The following CGNL1 variants were observed in gnomAD, a reference collection of about 807,000 sequenced individuals.
CGNL1 encodes the protein cingulin-like protein 1.
A neutral mutation model predicts 141.2 loss-of-function variants in CGNL1; 132 were observed. That is an observed-to-expected ratio of 0.93 (90% confidence interval 0.81 to 1.08). CGNL1 has a LOEUF of 1.08. Ranked by LOEUF, CGNL1 falls within the 50% of genes least tolerant of loss-of-function variation. CGNL1 has a pLI of 0.00. For synonymous variants in CGNL1, 690 were observed against 622.1 expected (o/e 1.11, Z -1.63); for missense variants, 1,870 against 1,588.6 (o/e 1.18, Z -3.01).
chr15:57,466,692 G>C (rs1450800769), intron 8 of CGNL1, among the ~76,000 whole-genome samples: 3 of 152,122 alleles, frequency 2.0e-5, no homozygotes, highest in Non-Finnish European at 4.4e-5. Context: ...GACAAAAAGG[G>C]AGATGTCTTT....
intron 1 of CGNL1, among the ~76,000 whole-genome samples, chr15:57,414,038 A>G (rs1429411715): frequency 1.3e-5 from 2 of 152,236 alleles, no homozygotes; most frequent in East Asian, 3.8e-4. Context: ...TGAAGGCACT[A>G]TGTGAAGAGA....
chr15:57,427,462 A>T (rs1189824151), intron 1 of CGNL1, among the ~76,000 whole-genome samples: 1 of 152,106 alleles, frequency 6.6e-6, no homozygotes, highest in Non-Finnish European at 1.5e-5. Flanking sequence ...TGAATCGATG[A>T]CGCCCAGGGA....
intron 1 of CGNL1, among the ~76,000 whole-genome samples, chr15:57,437,783 G>A (rs1038316543): frequency 6.6e-6 from 1 of 152,194 alleles, no homozygotes; most frequent in Admixed American, 6.5e-5. Context: ...CAGTGGCCAC[G>A]TGGGCTGAAG....
chr15:57,393,481 A>G (rs756005212), intron 1 of CGNL1, among the ~76,000 whole-genome samples: 4 of 152,178 alleles, frequency 2.6e-5, no homozygotes, highest in African/African-American at 4.8e-5. Flanking sequence ...CTTTTGAAAT[A>G]CAGAAAACAA....
intron 17 of CGNL1, 69 bp downstream of exon 17, chr15:57,545,769 G>A: frequency 7.6e-7 from 1 of 1,324,090 alleles, no homozygotes; most frequent in South Asian, 1.3e-5. Flanking sequence ...AGCAAGGGAG[G>A]CAAGGCCTCC....
chr15:57,442,182 G>GAAAAAACAAA (rs2063196609), intron 3 of CGNL1, among the ~76,000 whole-genome samples, 191 bp from the exon 4 acceptor site: 1 of 96,528 alleles, frequency 1.0e-5, no homozygotes. Flanking sequence ...TCATTTATTT[G>GAAAAAACAAA]AAAAAAAAAA....
intron 8 of CGNL1, among the ~76,000 whole-genome samples, chr15:57,509,617 G>A (rs2030054449): frequency 6.6e-6 from 1 of 152,226 alleles, no homozygotes; most frequent in South Asian, 2.1e-4. Flanking sequence ...CCAGGGGCCA[G>A]TGTGAACACT....
chr15:57,434,164 G>A (rs965081762), intron 1 of CGNL1, among the ~76,000 whole-genome samples: 7 of 152,148 alleles, frequency 4.6e-5, no homozygotes, highest in African/African-American at 1.4e-4. Context: ...GAAAGTTACA[G>A]TTTTCCTTGC....
At chr15:57,477,601 G>C (rs1271355214) in intron 8 of CGNL1, 1 of 152,162 alleles carries the variant, frequency 6.6e-6, no homozygotes, top group East Asian at 1.9e-4. Flanking sequence ...TGATTTACAG[G>C]GACCTCTTTC....
At chr15:57,440,516 G>A (rs2063173636) in intron 3 of CGNL1, 45 bp downstream of exon 3, 1 of 1,393,420 alleles carries the variant, frequency 7.2e-7, no homozygotes, top group Non-Finnish European at 1.0e-6. Flanking sequence ...GTTGTTTCTG[G>A]TGGGACTCTT....
At position 57,528,635 on chromosome 15, in the gene CGNL1, C is replaced by T. The variant is rs369570444; in HGVS notation, c.3040-19C>T. 31 of 1,613,146 alleles carry T rather than the reference C, an allele frequency of 1.9e-5. No individual in the cohort carries two copies. The highest frequency in any genetic ancestry group is 2.4e-5 in the Non-Finnish European group (28 of 1,179,574). The stretch of plus-strand genomic sequence containing the variant: ...CTTGATGCACCCCAGAAAACCATCC[C>T]AGCTGTCTCTCCTCCTAGATGCGTC... On this transcript the variant is annotated intron_variant, in intron 12 of 18. Transcript: ENST00000281282.
chr15:57,442,181 T>TAAAA (rs1567120591), intron 3 of CGNL1, among the ~76,000 whole-genome samples, 192 bp from the exon 4 acceptor site: 3 of 20,590 alleles, frequency 1.5e-4, no homozygotes, highest in African/African-American at 6.1e-4. Context: ...ATCATTTATT[T>TAAAA]GAAAAAAAAA....
chr15:57,461,671 T>G lies in CGNL1; in HGVS notation c.2191-9T>G. 3.1e-6 allele frequency: 5 copies of G among 1,612,646 alleles called. No individual in the cohort carries two copies. The highest frequency in any genetic ancestry group is 4.2e-6 in the Non-Finnish European group (5 of 1,178,736). ...TGTCACCTTCTCCCTTCGTGTTTCC[T>G]CTCTCTAGGAGCTCTTACAGGCAAA... is the stretch of plus-strand genomic sequence containing the variant. On this transcript the variant is annotated splice_polypyrimidine_tract_variant and intron_variant, in intron 7 of 18. Transcript: ENST00000281282.
At chr15:57,476,152 A>G (rs28560167) in intron 8 of CGNL1, among the ~76,000 whole-genome samples, 3,974 of 152,258 alleles carry the variant, frequency 0.026, 172 homozygotes, top group African/African-American at 0.09. Flanking sequence ...GGGCATGAGA[A>G]GCTGGCATAT....
chr15:57,526,335 A>G (rs1467132018), intron 12 of CGNL1, among the ~76,000 whole-genome samples: 1 of 152,014 alleles, frequency 6.6e-6, no homozygotes, highest in African/African-American at 2.4e-5. Flanking sequence ...ACCACCCTTG[A>G]CTAAGTTGGT....
At chr15:57,436,713 T>C (rs1466680658) in intron 1 of CGNL1, among the ~76,000 whole-genome samples, 3 of 152,030 alleles carry the variant, frequency 2.0e-5, no homozygotes, top group East Asian at 1.9e-4. Flanking sequence ...AAAATCAAAC[T>C]AGAACTCAGT....
chr15:57,427,630 G>A (rs182204563), intron 1 of CGNL1, among the ~76,000 whole-genome samples: 74 of 152,352 alleles, frequency 4.9e-4, no homozygotes, highest in East Asian at 4.8e-3. Context: ...TTGAGTGACC[G>A]AGAAGAAAGA....
intron 18 of CGNL1, 109 bp downstream of exon 18, chr15:57,546,348 T>C (rs1468277909): frequency 7.5e-7 from 1 of 1,329,650 alleles, no homozygotes; most frequent in African/African-American, 1.5e-5. Flanking sequence ...CTCCTCATTG[T>C]TGCTTTTGGG....
chr15:57,531,840 T>C, intron 14 of CGNL1, 61 bp downstream of exon 14: 2 of 1,070,904 alleles, frequency 1.9e-6, no homozygotes, highest in South Asian at 1.3e-5. Flanking sequence ...ACATGAGGGG[T>C]TAATCCTGGG....
Sources: gnomAD v4.1 joint callset for allele counts (sites outside exome capture counted in the v4.1 genomes callset) on GRCh38, gnomAD v4.1.1 for gene constraint, MANE v1.5 for transcripts, NCBI Gene and HGNC (gene_info 2026-07-23, HGNC 2026-07-21) for gene names.